Variants in PLCB1 observed in about 807,000 individuals in gnomAD.
The protein encoded by PLCB1 is 1-phosphatidylinositol 4,5-bisphosphate phosphodiesterase beta-1.
A neutral mutation model predicts 161.8 loss-of-function variants in PLCB1; 46 were observed. The observed-to-expected ratio is 0.28, with a 90% CI of 0.22 to 0.36. The LOEUF is 0.36. Ranked by LOEUF, PLCB1 falls within the 10% of genes least tolerant of loss-of-function variation. The probability of loss-of-function intolerance (pLI) is 1.00; values close to 1 mark genes in which losing one functional copy is unlikely to be tolerated. For missense variants in PLCB1, 1,016 were observed against 1,472.5 expected (o/e 0.69, Z 5.07); for synonymous variants, 517 against 503.7 (o/e 1.03, Z -0.35).
intron 31 of PLCB1, among the ~76,000 whole-genome samples, chr20:8,868,061 T>C (rs747577160): frequency 3.9e-5 from 6 of 152,226 alleles, no homozygotes; most frequent in Non-Finnish European, 2.9e-5. Flanking sequence ...TTTCTTTTTC[T>C]TTTAAGCTAT....
chr20:8,261,367 T>A (rs66936452), intron 2 of PLCB1, among the ~76,000 whole-genome samples: 11,065 of 152,132 alleles, frequency 0.073, 487 homozygotes, highest in East Asian at 0.16. Flanking sequence ...TGCCTCCCCT[T>A]ATCTCTTCAC....
chr20:8,769,211 G>A (rs888362668), intron 26 of PLCB1, among the ~76,000 whole-genome samples: 2 of 152,052 alleles, frequency 1.3e-5, no homozygotes, highest in African/African-American at 4.8e-5. Context: ...AGAGCGTTGT[G>A]TAAGACATTG....
At chr20:8,178,813 TG>T (rs1308115706) in intron 2 of PLCB1, among the ~76,000 whole-genome samples, 2 of 152,198 alleles carry the variant, frequency 1.3e-5, no homozygotes, top group African/African-American at 4.8e-5. Flanking sequence ...TTTTTGTATA[TG>T]GTTTAAAGAA....
rs117095623 is a variant in PLCB1 at position 8,609,996 on chromosome 20, A to G, written c.247-18298A>G. Among the ~76,000 whole-genome samples the G allele has an allele frequency of 6.3e-4, 96 of 152,336 alleles. 1 individual carries two copies. In the East Asian group the frequency reaches 0.016, roughly 25 times the overall value. On this transcript the variant is annotated intron_variant, in intron 3 of 31. Transcript: ENST00000338037. The stretch of plus-strand genomic sequence containing the variant: ...ATAGATGTAAAATGAGCATCAGTAT[A>G]TAATTTTGGAATGTTTTCATCACTC...
At chr20:8,607,871 G>T (rs1417980787) in intron 3 of PLCB1, among the ~76,000 whole-genome samples, 1 of 152,114 alleles carries the variant, frequency 6.6e-6, no homozygotes, top group African/African-American at 2.4e-5. Flanking sequence ...TTAAGAATTA[G>T]AATTTTTAAA....
chr20:8,722,788 CA>C (rs1979719470), intron 15 of PLCB1, among the ~76,000 whole-genome samples: 1 of 151,954 alleles, frequency 6.6e-6, no homozygotes, highest in African/African-American at 2.4e-5. Flanking sequence ...TTTGTCTTAC[CA>C]AAAGTTTATA....
At chr20:8,175,672 T>G (rs1483641443) in intron 2 of PLCB1, among the ~76,000 whole-genome samples, 1 of 152,080 alleles carries the variant, frequency 6.6e-6, no homozygotes, top group Non-Finnish European at 1.5e-5. Flanking sequence ...CTCATTAAAA[T>G]TAAAATAATT....
intron 3 of PLCB1, among the ~76,000 whole-genome samples, chr20:8,382,500 G>C (rs1037505343): frequency 6.7e-6 from 1 of 149,296 alleles, no homozygotes. Flanking sequence ...AGCCAGGATG[G>C]TCTCGATCTC....
intron 3 of PLCB1, among the ~76,000 whole-genome samples, chr20:8,576,701 C>G (rs1465974901): frequency 2.0e-5 from 3 of 152,162 alleles, no homozygotes; most frequent in Non-Finnish European, 4.4e-5. Flanking sequence ...TGGAATCTCT[C>G]CTAGTAGTAT....
chr20:8,409,112 A>G (rs1978920539), intron 3 of PLCB1, among the ~76,000 whole-genome samples: 1 of 152,192 alleles, frequency 6.6e-6, no homozygotes, highest in East Asian at 1.9e-4. Context: ...TGTGTTCCCA[A>G]CTAAATTAGC....
intron 13 of PLCB1, among the ~76,000 whole-genome samples, chr20:8,717,129 G>T (rs1428895404): frequency 6.6e-6 from 1 of 152,196 alleles, no homozygotes; most frequent in Non-Finnish European, 1.5e-5. Context: ...GAATCTTAGG[G>T]CTGGGAGGAA....
chr20:8,206,031 C>T (rs1978510636), intron 2 of PLCB1, among the ~76,000 whole-genome samples: 1 of 151,976 alleles, frequency 6.6e-6, no homozygotes, highest in Non-Finnish European at 1.5e-5. Flanking sequence ...AGCATGGTTT[C>T]TTAAATTCAC....
At chr20:8,776,835 G>GTAA (rs1431203864) in intron 27 of PLCB1, among the ~76,000 whole-genome samples, 2 of 152,146 alleles carry the variant, frequency 1.3e-5, no homozygotes, top group African/African-American at 4.8e-5. Context: ...AGTATGTTAG[G>GTAA]TAGTAATAAG....
rs1016499654 is a variant in PLCB1, at chr20:8,378,679, ACT to A, written c.246+7232_246+7233del. ...ACAGTGAAGTTTGCAACATCAGTTGACTCTTCATTGCATGAAAGATTTTTCTG... is the reference window on the plus strand; with the variant it reads ...ACAGTGAAGTTTGCAACATCAGTTGACTTCATTGCATGAAAGATTTTTCTG... On this transcript the variant is annotated intron_variant, in intron 3 of 31. Coordinates refer to ENST00000338037, the MANE Select transcript of PLCB1 (RefSeq NM_015192.4). Among the ~76,000 whole-genome samples the A allele has an allele frequency of 3.8e-4, 58 of 152,198 alleles. 1 individual carries two copies. The highest frequency in any genetic ancestry group is 3.1e-3 in the Admixed American group (48 of 15,294).
intron 27 of PLCB1, among the ~76,000 whole-genome samples, chr20:8,776,814 G>A (rs185588434): frequency 1.3e-3 from 191 of 152,250 alleles, no homozygotes; most frequent in African/African-American, 4.3e-3. Context: ...AAATAAGTTG[G>A]TAAAACATGT....
intron 25 of PLCB1, among the ~76,000 whole-genome samples, chr20:8,763,074 T>TA (rs1448829682): frequency 2.0e-5 from 3 of 152,170 alleles, no homozygotes; most frequent in Non-Finnish European, 4.4e-5. Context: ...CATGTATTGC[T>TA]AAAAAAGAAA....
At chr20:8,630,328 A>G (rs924086174) in intron 4 of PLCB1, among the ~76,000 whole-genome samples, 1 of 152,040 alleles carries the variant, frequency 6.6e-6, no homozygotes, top group Non-Finnish European at 1.5e-5. Context: ...TTTCTGTGTC[A>G]TTAGTGATTA....
At chr20:8,240,915 A>C (rs962424148) in intron 2 of PLCB1, among the ~76,000 whole-genome samples, 2 of 152,006 alleles carry the variant, frequency 1.3e-5, no homozygotes, top group African/African-American at 4.8e-5. Flanking sequence ...AAGCAAAACC[A>C]GTTCTGATTG....
intron 2 of PLCB1, among the ~76,000 whole-genome samples, chr20:8,320,908 G>C (rs1984887840): frequency 7.0e-6 from 1 of 143,638 alleles, no homozygotes; most frequent in African/African-American, 2.7e-5. Flanking sequence ...AAGAAGAAAA[G>C]AAGAAGAGGA....
Sources: allele counts gnomAD v4.1 joint callset (sites outside exome capture counted in the v4.1 genomes callset), GRCh38; gene constraint gnomAD v4.1.1; transcripts MANE v1.5; gene names NCBI Gene and HGNC (gene_info 2026-07-23, HGNC 2026-07-21).